Variants in GTF2H1 observed in about 807,000 individuals in gnomAD.
GTF2H1 encodes general transcription factor IIH subunit 1, also known as BTF2 p62.
Under a neutral mutation model 71.2 loss-of-function variants are expected in GTF2H1, and 16 were observed. That is an observed-to-expected ratio of 0.22 (90% confidence interval 0.15 to 0.34). The LOEUF is 0.34. Among genes scored for constraint, GTF2H1 ranks in the 10% least tolerant of loss-of-function variants. The pLI, the probability that GTF2H1 is intolerant of heterozygous loss-of-function variation, is 1.00. For synonymous variants in GTF2H1, 215 were observed against 219.0 expected, an observed-to-expected ratio of 0.98 and a Z score of 0.16; for missense variants, 498 against 648.2, an observed-to-expected ratio of 0.77 and a Z score of 2.52.
chr11:18,351,237 A>AT (rs1554955820), intron 9 of GTF2H1, among the ~76,000 whole-genome samples: 2 of 151,044 alleles, frequency 1.3e-5, no homozygotes, highest in East Asian at 1.9e-4. Flanking sequence ...GAAAAAAAAA[A>AT]TTTTTTAAGC....
At chr11:18,362,347 T>G (rs1865721774) in intron 14 of GTF2H1, among the ~76,000 whole-genome samples, 1 of 152,154 alleles carries the variant, frequency 6.6e-6, no homozygotes, top group Non-Finnish European at 1.5e-5. Flanking sequence ...GGTGACTCAG[T>G]GAGTGAATGT....
In GTF2H1 at chr11:18,352,753, TG is replaced by T. The variant is rs373175242; in HGVS notation, c.1260+308del. ...TCTGGACATTATTCTCTGAATATTC[TG>T]CATGACTCAGGCTTAAAATATGTAA... On this transcript the variant is annotated intron_variant, in intron 11 of 14. Coordinates refer to ENST00000265963, the MANE Select transcript of GTF2H1 (RefSeq NM_005316.4). 2.6e-3 allele frequency among the ~76,000 whole-genome samples: 399 copies of T among 152,378 alleles called. 2 individuals carry two copies. Among genetic ancestry groups the T allele is most frequent in the African/African-American group, 9.4e-3 (389 of 41,594 alleles).
chr11:18,351,605 G>A (rs1158561694), intron 9 of GTF2H1: 1 of 222,624 alleles, frequency 4.5e-6, no homozygotes, highest in Non-Finnish European at 8.9e-6. Context: ...TTCATTTGGG[G>A]AAAAAATAAT....
At chr11:18,332,872 T>C in intron 1 of GTF2H1, 188 bp from the exon 2 acceptor site, 1 of 450,872 alleles carries the variant, frequency 2.2e-6, no homozygotes, top group East Asian at 3.5e-5. Context: ...CAAAATGAAA[T>C]TTAATTGTAG....
chr11:18,329,246 A>T (rs1315968909), intron 1 of GTF2H1, among the ~76,000 whole-genome samples: 1 of 152,308 alleles, frequency 6.6e-6, no homozygotes, highest in Middle Eastern at 3.4e-3. Flanking sequence ...GCGTTTGCAA[A>T]TGCCTACATA....
At chr11:18,357,447 A>G (rs1213033908) in intron 11 of GTF2H1, among the ~76,000 whole-genome samples, 1 of 152,098 alleles carries the variant, frequency 6.6e-6, no homozygotes, top group Non-Finnish European at 1.5e-5. Flanking sequence ...GGTGCGGAGT[A>G]CACACCTGTA....
At position 18,342,252 on chromosome 11, in the gene GTF2H1, C is replaced by CTTT. The variant is rs71047585; in HGVS notation, c.837+670_837+672dup. Among the ~76,000 whole-genome samples the CTTT allele has an allele frequency of 4.3e-4, 31 of 72,780 alleles. 1 individual carries two copies. Among genetic ancestry groups the CTTT allele is most frequent in the African/African-American group, 4.6e-4 (9 of 19,508 alleles). 47.7% of individuals were successfully genotyped at this position (72,780 alleles called of 152,430 possible). ...TCTTATTTTTCTTCTTTTTCTGTCT[C>CTTT]TTTTTTTTTTTTTTTTTTTTTTTTT... On this transcript the variant is annotated intron_variant, in intron 7 of 14. Coordinates refer to ENST00000265963, the MANE Select transcript of GTF2H1 (RefSeq NM_005316.4).
rs369452374 is a variant in GTF2H1 at position 18,353,132 on chromosome 11, G to A, written c.1260+686G>A. Among the ~76,000 whole-genome samples the A allele has an allele frequency of 1.8e-4, 28 of 152,348 alleles. No individual in the cohort carries two copies. In the East Asian group the frequency reaches 3.1e-3, roughly 17 times the overall value. On this transcript the variant is annotated intron_variant, in intron 11 of 14. Coordinates refer to ENST00000265963, the MANE Select transcript of GTF2H1 (RefSeq NM_005316.4). Reference sequence around the variant, plus strand: ...CCCAGCTACTCAAGACGCTGAGGCAGGAGAATCACTTGAACCTGGAAGGCA... The same window carrying A: ...CCCAGCTACTCAAGACGCTGAGGCAAGAGAATCACTTGAACCTGGAAGGCA...
chr11:18,347,733 A>G lies in GTF2H1; in HGVS notation c.965+18A>G. 1.9e-6 allele frequency: 3 copies of G among 1,610,518 alleles called. No individual in the cohort carries two copies. The highest frequency in any genetic ancestry group is 2.5e-6 in the Non-Finnish European group (3 of 1,178,508). ...AGAAAACAGTTAAGTATAAATGCAG[A>G]GGTGCAGTAACTGGGCTTTTCAGGA... is the stretch of plus-strand genomic sequence containing the variant. On this transcript the variant is annotated intron_variant, in intron 8 of 14. Coordinates refer to ENST00000265963, the MANE Select transcript of GTF2H1 (RefSeq NM_005316.4).
At chr11:18,360,865 G>GCATGAC in intron 14 of GTF2H1, 158 bp downstream of exon 14, 3 of 525,572 alleles carry the variant, frequency 5.7e-6, no homozygotes, top group Non-Finnish European at 9.9e-6. Flanking sequence ...GAGTACAGTG[G>GCATGAC]CTCCATCTCA....
At chr11:18,341,760 C>T (rs745697071) in intron 7 of GTF2H1, 153 bp downstream of exon 7, 19 of 524,738 alleles carry the variant, frequency 3.6e-5, no homozygotes, top group Non-Finnish European at 5.7e-5. Context: ...TTTGAAATAG[C>T]GTTGTTTGCC....
chr11:18,325,340 T>A (rs1300407024), intron 1 of GTF2H1, among the ~76,000 whole-genome samples: 2 of 152,226 alleles, frequency 1.3e-5, no homozygotes, highest in African/African-American at 2.4e-5. Flanking sequence ...CATTGATCTG[T>A]GAATTGAAAA....
rs141944860 is a variant in GTF2H1 at position 18,362,430 on chromosome 11, C to T, written c.1560+1723C>T. ...GTACACTTAGACTACATTAAATTTACAATATAGCTTTTTTTCTTCAATAAT... is the reference window on the plus strand; with the variant it reads ...GTACACTTAGACTACATTAAATTTATAATATAGCTTTTTTTCTTCAATAAT... On this transcript the variant is annotated intron_variant, in intron 14 of 14. Transcript: ENST00000265963. 3.5e-4 allele frequency among the ~76,000 whole-genome samples: 54 copies of T among 152,204 alleles called. 1 individual carries two copies. Among genetic ancestry groups the T allele is most frequent in the African/African-American group, 1.1e-3 (47 of 41,526 alleles).
chr11:18,348,072 AT>A, intron 9 of GTF2H1, 153 bp downstream of exon 9: 1 of 650,012 alleles, frequency 1.5e-6, no homozygotes, highest in Admixed American at 2.7e-5. Context: ...TACAAAGAGT[AT>A]TTCCCCAGCT....
intron 4 of GTF2H1, 24 bp from the exon 5 acceptor site, chr11:18,339,540 A>ATG: frequency 1.3e-6 from 2 of 1,512,698 alleles, no homozygotes; most frequent in Non-Finnish European, 1.8e-6. Context: ...TCTAACGTGT[A>ATG]TGTGTGTATG....
At chr11:18,358,497 A>C in intron 12 of GTF2H1, 28 bp from the exon 13 acceptor site, 1 of 1,292,454 alleles carries the variant, frequency 7.7e-7, no homozygotes, top group Non-Finnish European at 1.1e-6. Context: ...ATAGCTCTTA[A>C]CCTATGGGCC....
chr11:18,351,770 T>C (rs1865431491), intron 9 of GTF2H1, 111 bp from the exon 10 acceptor site: 2 of 607,504 alleles, frequency 3.3e-6, no homozygotes, highest in South Asian at 4.4e-5. Context: ...GAGAAGCTCA[T>C]GGTGGGAAGA....
At chr11:18,352,993 A>G (rs920343800) in intron 11 of GTF2H1, among the ~76,000 whole-genome samples, 9 of 152,212 alleles carry the variant, frequency 5.9e-5, no homozygotes, top group African/African-American at 2.2e-4. Context: ...TGGGAGGCCG[A>G]GGTGGGTGGA....
intron 4 of GTF2H1, 62 bp downstream of exon 4, chr11:18,338,336 G>A (rs2133963993): frequency 9.6e-7 from 1 of 1,040,794 alleles, no homozygotes; most frequent in Non-Finnish European, 1.5e-6. Context: ...TGTGTCTTAA[G>A]ACCATTATTC....
Sources: gnomAD v4.1 joint callset for allele counts (sites outside exome capture counted in the v4.1 genomes callset) on GRCh38, gnomAD v4.1.1 for gene constraint, MANE v1.5 for transcripts, NCBI Gene and HGNC (gene_info 2026-07-23, HGNC 2026-07-21) for gene names.